Variants in WDR72 observed in about 807,000 individuals in gnomAD.
WDR72 encodes the protein WD repeat-containing protein 72.
WDR72 carries 120 observed loss-of-function variants against 124.2 expected under a neutral mutation model. The observed-to-expected ratio is 0.97, with a 90% confidence interval of 0.83 to 1.12. WDR72 has a LOEUF of 1.12. Among genes scored for constraint, WDR72 ranks in the 50% most tolerant of loss-of-function variants. WDR72 has a pLI of 0.00. For missense variants in WDR72, 1,387 were observed against 1,278.8 expected (o/e 1.08, Z -1.29); for synonymous variants, 452 against 441.7 (o/e 1.02, Z -0.29).
chr15:53,704,816 T>A (rs1450538400), intron 11 of WDR72, among the ~76,000 whole-genome samples, 172 bp downstream of exon 11: 11 of 136,168 alleles, frequency 8.1e-5, no homozygotes, highest in South Asian at 4.7e-4. Flanking sequence ...ACAGGGAGTT[T>A]AAAAAAAAAA....
intron 12 of WDR72, among the ~76,000 whole-genome samples, chr15:53,701,814 A>G (rs1162934023): frequency 6.6e-6 from 1 of 152,166 alleles, no homozygotes; most frequent in African/African-American, 2.4e-5. Context: ...TAATTCCATT[A>G]AAAATGAAGA....
chr15:53,731,129 C>T (rs2018190254), intron 2 of WDR72, among the ~76,000 whole-genome samples: 1 of 152,142 alleles, frequency 6.6e-6, no homozygotes, highest in South Asian at 2.1e-4. Context: ...AAACACAAAG[C>T]TGATCCCATC....
intron 13 of WDR72, among the ~76,000 whole-genome samples, chr15:53,675,159 A>G (rs1402957481): frequency 1.3e-5 from 2 of 152,076 alleles, no homozygotes; most frequent in Non-Finnish European, 2.9e-5. Flanking sequence ...CCTGGCCAAC[A>G]TGGTGAAACC....
chr15:53,570,394 A>G (rs1043572528), intron 18 of WDR72, among the ~76,000 whole-genome samples: 1 of 151,938 alleles, frequency 6.6e-6, no homozygotes, highest in Non-Finnish European at 1.5e-5. Flanking sequence ...GATCAAGGAA[A>G]AAAATGAAAA....
At chr15:53,704,620 G>T (rs981207445) in intron 11 of WDR72, among the ~76,000 whole-genome samples, 1 of 150,862 alleles carries the variant, frequency 6.6e-6, no homozygotes, top group Non-Finnish European at 1.5e-5. Flanking sequence ...TCTGCTCCCA[G>T]GTTCACGCCA....
upstream of WDR72, among the ~76,000 whole-genome samples, chr15:53,762,178 C>T (rs1418722944): frequency 1.3e-5 from 2 of 152,070 alleles, no homozygotes; most frequent in Non-Finnish European, 2.9e-5. Flanking sequence ...GGATATTTGG[C>T]CAGGCCCAAG....
At chr15:53,548,991 A>C (rs918695150) in intron 18 of WDR72, among the ~76,000 whole-genome samples, 5 of 152,226 alleles carry the variant, frequency 3.3e-5, no homozygotes, top group African/African-American at 9.6e-5. Context: ...GAGAACCAAT[A>C]ACCATGCCCC....
Position 53,592,850 on chromosome 15 carries a change from C to A in WDR72, c.3148+4229G>T, listed in dbSNP as rs561645021. ...TATTGCTGTTTTTAAAGCAATGAAT[C>A]TAAGCCTCAAATGTAAGTGTTAATT... On this transcript the variant is annotated intron_variant, in intron 18 of 19. Transcript: ENST00000360509. Among the ~76,000 whole-genome samples, 7 of 152,184 alleles carry A rather than the reference C, an allele frequency of 4.6e-5. No homozygotes were observed. The South Asian group carries it at 1.5e-3, about 32-fold the overall frequency.
intron 13 of WDR72, among the ~76,000 whole-genome samples, chr15:53,690,318 A>G (rs117827019): frequency 0.026 from 3,990 of 152,286 alleles, 79 homozygotes; most frequent in Non-Finnish European, 0.04. Context: ...TAACTACACA[A>G]TTCAGTGGCA....
At chr15:53,589,170 C>T (rs908892521) in intron 18 of WDR72, among the ~76,000 whole-genome samples, 1 of 151,846 alleles carries the variant, frequency 6.6e-6, no homozygotes, top group East Asian at 1.9e-4. Flanking sequence ...CTAACAGAGT[C>T]TTCTGGGGGG....
At chr15:53,549,402 T>A (rs1893631882) in intron 18 of WDR72, among the ~76,000 whole-genome samples, 1 of 152,216 alleles carries the variant, frequency 6.6e-6, no homozygotes, top group Admixed American at 6.5e-5. Context: ...TTTTCAGGTT[T>A]GGATGTTGAC....
intron 14 of WDR72, among the ~76,000 whole-genome samples, chr15:53,620,039 A>G (rs894038009): frequency 2.6e-5 from 4 of 152,042 alleles, no homozygotes; most frequent in Non-Finnish European, 5.9e-5. Context: ...GTTGGCACTT[A>G]TTTTATGGAA....
At chr15:53,736,119 T>C (rs2018346810) in intron 1 of WDR72, among the ~76,000 whole-genome samples, 1 of 152,018 alleles carries the variant, frequency 6.6e-6, no homozygotes, top group Middle Eastern at 3.2e-3. Flanking sequence ...TGTTAAGAGA[T>C]ATAGATGCTA....
intron 18 of WDR72, among the ~76,000 whole-genome samples, chr15:53,539,552 A>G (rs1356950286): frequency 1.3e-5 from 2 of 152,064 alleles, no homozygotes; most frequent in Non-Finnish European, 2.9e-5. Context: ...AAATGTTAGT[A>G]GCAAATTATT....
chr15:53,589,391 T>C (rs900412073), intron 18 of WDR72, among the ~76,000 whole-genome samples: 4 of 151,928 alleles, frequency 2.6e-5, no homozygotes. Context: ...TAATTAGGAA[T>C]TGGCTGAATC....
chr15:53,719,579 A>C (rs1212414846), intron 3 of WDR72, among the ~76,000 whole-genome samples: 1 of 152,174 alleles, frequency 6.6e-6, no homozygotes, highest in African/African-American at 2.4e-5. Flanking sequence ...TCATTATCTC[A>C]ATGAATGATA....
intron 18 of WDR72, among the ~76,000 whole-genome samples, chr15:53,585,949 G>A (rs1458798589): frequency 2.0e-5 from 3 of 152,076 alleles, no homozygotes; most frequent in Non-Finnish European, 4.4e-5. Flanking sequence ...ACATGTGAAT[G>A]TCTATTCCTA....
chr15:53,666,335 G>T (rs1237886274), intron 13 of WDR72, among the ~76,000 whole-genome samples: 4 of 151,922 alleles, frequency 2.6e-5, no homozygotes, highest in Non-Finnish European at 5.9e-5. Flanking sequence ...TATGTTATTA[G>T]AAGGGGAAAA....
At chr15:53,570,251 C>T (rs1894461965) in intron 18 of WDR72, among the ~76,000 whole-genome samples, 1 of 123,358 alleles carries the variant, frequency 8.1e-6, no homozygotes, top group African/African-American at 3.1e-5. Flanking sequence ...ATATGTATTA[C>T]CTCATATACC....
Sources: gnomAD v4.1 joint callset for allele counts (sites outside exome capture counted in the v4.1 genomes callset) on GRCh38, gnomAD v4.1.1 for gene constraint, MANE v1.5 for transcripts, NCBI Gene and HGNC (gene_info 2026-07-23, HGNC 2026-07-21) for gene names.